ARID3A: variants seen among roughly 807,000 people sequenced by gnomAD.
The protein encoded by ARID3A is AT-rich interactive domain-containing protein 3A.
ARID3A carries 11 observed loss-of-function variants against 52.7 expected under a neutral mutation model. That is an observed-to-expected ratio of 0.21 (90% CI 0.13 to 0.35). The LOEUF is 0.35. ARID3A is among the 10% of genes least tolerant of loss of function. The probability of loss-of-function intolerance (pLI) is 1.00; values close to 1 mark genes in which losing one functional copy is unlikely to be tolerated. For missense variants in ARID3A, 721 were observed against 838.5 expected, an observed-to-expected ratio of 0.86 and a Z score of 1.73; for synonymous variants, 404 against 359.4, an observed-to-expected ratio of 1.12 and a Z score of -1.40.
intron 3 of ARID3A, among the ~76,000 whole-genome samples, chr19:936,360 C>T (rs893151395): frequency 2.0e-5 from 3 of 152,022 alleles, no homozygotes; most frequent in African/African-American, 7.3e-5. Context: ...CTACACCAGC[C>T]TGGGCGGTAT....
intron 3 of ARID3A, among the ~76,000 whole-genome samples, chr19:936,181 T>G (rs776534572): frequency 3.9e-5 from 6 of 152,234 alleles, no homozygotes; most frequent in Non-Finnish European, 8.8e-5. Flanking sequence ...CTAATAAGTG[T>G]TGAATGAATT....
intron 7 of ARID3A, among the ~76,000 whole-genome samples, chr19:968,190 C>T (rs559564004): frequency 6.6e-6 from 1 of 152,086 alleles, no homozygotes; most frequent in South Asian, 2.1e-4. Context: ...GAAACCCCAT[C>T]TCTACTAAAA....
chr19:933,932 C>T (rs540234954), intron 3 of ARID3A, among the ~76,000 whole-genome samples: 4 of 151,880 alleles, frequency 2.6e-5, no homozygotes, highest in South Asian at 2.1e-4. Context: ...ACGGGCCACA[C>T]TGCCGCGCGT....
chr19:926,370 C>T (rs2037198410), intron 1 of ARID3A, among the ~76,000 whole-genome samples: 1 of 151,730 alleles, frequency 6.6e-6, no homozygotes, highest in Non-Finnish European at 1.5e-5. Flanking sequence ...GTTTTCTCTG[C>T]ACCCCGCTTG....
rs187048 is a variant in ARID3A, at chr19:929,257, C to G, written c.-267-5C>G. 2 of 245,514 alleles carry G rather than the reference C, an allele frequency of 8.1e-6. No individual in the cohort carries two copies. The highest frequency in any genetic ancestry group is 1.5e-5 in the Non-Finnish European group (2 of 136,924). The allele number at this position is 245,514 out of a possible 1,614,324, so 15.2% of individuals were successfully genotyped here. On this transcript the variant is annotated splice_region_variant and splice_polypyrimidine_tract_variant and intron_variant, in intron 1 of 8. Coordinates refer to ENST00000263620, the MANE Select transcript of ARID3A (RefSeq NM_005224.3). This position sits in a 1 kb window ranked among gnomAD's most constrained non-coding sequence, Gnocchi z 6.2. ...TGCTCTGACTGTGCCTTTTTTCCCCCTCAGGTTTCTGCAAATGCGTGAATG... is the reference window on the plus strand; with the variant it reads ...TGCTCTGACTGTGCCTTTTTTCCCCGTCAGGTTTCTGCAAATGCGTGAATG...
chr19:937,216 A>G (rs1158356781), intron 3 of ARID3A, among the ~76,000 whole-genome samples: 1 of 152,166 alleles, frequency 6.6e-6, no homozygotes, highest in Non-Finnish European at 1.5e-5. Context: ...GTGAGCCGAG[A>G]TCGCGCCACT....
chr19:942,608 G>A lies in ARID3A; in HGVS notation c.693+9866G>A, dbSNP rs1248528152. The stretch of plus-strand genomic sequence containing the variant: ...GCCCCTTGGTCAGGGCTGGGCTGGG[G>A]GTCCGTGGGCACAGGTGGGTGGGCA... On this transcript the variant is annotated intron_variant, in intron 3 of 8. Transcript: ENST00000263620. This position sits in a 1 kb window ranked among gnomAD's most constrained non-coding sequence, Gnocchi z 8.1. 6.6e-6 allele frequency among the ~76,000 whole-genome samples: 1 copy of A among 152,218 alleles called. No homozygotes were observed. The highest frequency in any genetic ancestry group is 1.5e-5 in the Non-Finnish European group (1 of 68,028).
In ARID3A at chr19:942,416, G is replaced by A. The variant is rs556879622; in HGVS notation, c.693+9674G>A. Among the ~76,000 whole-genome samples the A allele has an allele frequency of 1.9e-4, 29 of 152,324 alleles. No individual in the cohort carries two copies. Among genetic ancestry groups the A allele is most frequent in the African/African-American group, 6.5e-4 (27 of 41,584 alleles). On this transcript the variant is annotated intron_variant, in intron 3 of 8. Coordinates refer to ENST00000263620, the MANE Select transcript of ARID3A (RefSeq NM_005224.3). This position sits in a 1 kb window ranked among gnomAD's most constrained non-coding sequence, Gnocchi z 8.1. ...TCCACTGGCCGCCGGGAGCCGGGCCGGGAGCCGCTGCGGTGCCGACCTGGT... is the reference window on the plus strand; with the variant it reads ...TCCACTGGCCGCCGGGAGCCGGGCCAGGAGCCGCTGCGGTGCCGACCTGGT...
rs1333117894 is a variant in ARID3A, at chr19:965,029, G to T, written c.1147G>T (p.Ala383Ser). 20 of 1,613,062 alleles carry T rather than the reference G, an allele frequency of 1.2e-5. No individual in the cohort carries two copies. The highest frequency in any genetic ancestry group is 1.7e-5 in the Non-Finnish European group (20 of 1,179,524). Residue 383 changes from alanine to serine, a missense_variant, in exon 6 of 9, where the codon GCC (alanine) becomes TCC (serine). Physicochemically the swap from Ala to Ser is moderately conservative, Grantham distance 99 (BLOSUM62 1). Around this residue, in one of 5 missense-constraint regions of ARID3A, gnomAD observed 297 missense variants for 343.2 expected, o/e 0.87. Transcript: ENST00000263620. The part of the protein sequence containing the change: ...PKLPVSSLGL[A>S]ASTNGSSITP... Reference sequence around the variant, plus strand: ...GCTACCCGTGTCCTCCCTGGGCCTGGCCGCAAGCACCAATGGCAGCTCCAT... The same window carrying T: ...GCTACCCGTGTCCTCCCTGGGCCTGTCCGCAAGCACCAATGGCAGCTCCAT...
rs1284744705 is a variant in ARID3A, at chr19:942,179, C to A, written c.693+9437C>A. Among the ~76,000 whole-genome samples, 1 of 152,174 alleles carries A rather than the reference C, an allele frequency of 6.6e-6. No individual in the cohort carries two copies. Among genetic ancestry groups the A allele is most frequent in the Non-Finnish European group, 1.5e-5 (1 of 68,002 alleles). On this transcript the variant is annotated intron_variant, in intron 3 of 8. Coordinates refer to ENST00000263620, the MANE Select transcript of ARID3A (RefSeq NM_005224.3). The surrounding 1 kb of genome is among the most constrained non-coding windows in gnomAD (Gnocchi z 8.1). The stretch of plus-strand genomic sequence containing the variant: ...GGGCCGCTGGGGGTGCACCCCCACC[C>A]TCTCCGACCCCGAGGAGCTGCCGGC...
chr19:968,363 A>C (rs766828973), intron 7 of ARID3A, 42 bp from the exon 8 acceptor site: 22 of 1,574,614 alleles, frequency 1.4e-5, no homozygotes, highest in Non-Finnish European at 1.9e-5. Flanking sequence ...TGTCTCAAAA[A>C]AAAAAAGAAA....
intron 2 of ARID3A, among the ~76,000 whole-genome samples, chr19:931,358 A>T (rs2037322074): frequency 1.3e-5 from 2 of 149,040 alleles, no homozygotes; most frequent in Admixed American, 1.3e-4. Flanking sequence ...GAGGCTGAGG[A>T]GGAGAATCGC....
intron 3 of ARID3A, among the ~76,000 whole-genome samples, chr19:952,077 G>A (rs2037812833): frequency 6.6e-6 from 1 of 151,984 alleles, no homozygotes; most frequent in South Asian, 2.1e-4. Flanking sequence ...GGAGGCGGAG[G>A]TTGCAGTGAG....
rs1016133807 is a variant in ARID3A at position 941,042 on chromosome 19, C to T, written c.693+8300C>T. Reference sequence around the variant, plus strand: ...CGCCACCGCCTGGCCGTCGGGTCACCGCCGCGGGGTCACCGCCGCCGCGGC... The same window carrying T: ...CGCCACCGCCTGGCCGTCGGGTCACTGCCGCGGGGTCACCGCCGCCGCGGC... On this transcript the variant is annotated intron_variant, in intron 3 of 8. Transcript: ENST00000263620. This position sits in a 1 kb window ranked among gnomAD's most constrained non-coding sequence, Gnocchi z 6.9. Among the ~76,000 whole-genome samples, 19 of 152,164 alleles carry T rather than the reference C, an allele frequency of 1.2e-4. No individual in the cohort carries two copies. The highest frequency in any genetic ancestry group is 3.4e-3 in the Middle Eastern group (1 of 292).
At chr19:971,439 C>A (rs1450522039) in intron 8 of ARID3A, among the ~76,000 whole-genome samples, 1 of 152,114 alleles carries the variant, frequency 6.6e-6, no homozygotes, top group Non-Finnish European at 1.5e-5. Context: ...TGGTGAAACT[C>A]CGTCTGTACT....
In ARID3A at chr19:939,255, A is replaced by G. The variant is rs191831468; in HGVS notation, c.693+6513A>G. Among the ~76,000 whole-genome samples the G allele has an allele frequency of 6.1e-3, 929 of 152,040 alleles. 9 individuals are homozygous for G. Among genetic ancestry groups the G allele is most frequent in the African/African-American group, 0.022 (892 of 41,460 alleles). Reference sequence around the variant, plus strand: ...TGCCTCAGCCTCCAGAGTAGCTGGGACTACAGGCGCCCACCACCACACCCA... The same window carrying G: ...TGCCTCAGCCTCCAGAGTAGCTGGGGCTACAGGCGCCCACCACCACACCCA... On this transcript the variant is annotated intron_variant, in intron 3 of 8. Coordinates refer to ENST00000263620, the MANE Select transcript of ARID3A (RefSeq NM_005224.3).
intron 3 of ARID3A, among the ~76,000 whole-genome samples, chr19:958,427 C>CAAAA (rs35996712): frequency 1.2e-5 from 1 of 85,940 alleles, no homozygotes; most frequent in African/African-American, 4.4e-5. Context: ...GACTCCATCT[C>CAAAA]AAAAAAAAAA....
chr19:966,859 A>C lies in ARID3A; in HGVS notation c.1486A>C (p.Asn496His), dbSNP rs1194726175. The change falls in exon 7 of 9, where the codon AAC becomes CAC. Residue 496 changes from asparagine to histidine, a missense_variant. Asn to His is a moderately conservative substitution (Grantham distance 68). Transcript: ENST00000263620. ...CCAGCTGCCCATGAGCATTCGGATC[A>C]ACAGCCAAGGTACTGCCCTCGTGCC... Reference protein sequence around the residue: ...AAQLPMSIRINSQASESRQDS... With the variant: ...AAQLPMSIRIHSQASESRQDS... The C allele has an allele frequency of 6.2e-7, 1 of 1,609,372 alleles. No individual in the cohort carries two copies. The highest frequency in any genetic ancestry group is 2.2e-5 in the East Asian group (1 of 44,784).
Position 947,900 on chromosome 19 carries a change from G to A in ARID3A, c.694-12192G>A, listed in dbSNP as rs747008526. On this transcript the variant is annotated intron_variant, in intron 3 of 8. Coordinates refer to ENST00000263620, the MANE Select transcript of ARID3A (RefSeq NM_005224.3). This position sits in a 1 kb window ranked among gnomAD's most constrained non-coding sequence, Gnocchi z 6.3. ...GGGGCTCTCAGCATCTGCATCCGCC[G>A]AGGCCTGGCTGTGCTGACGGGAATT... Among the ~76,000 whole-genome samples, 27 of 152,182 alleles carry A rather than the reference G, an allele frequency of 1.8e-4. No homozygotes were observed. Among genetic ancestry groups the A allele is most frequent in the Non-Finnish European group, 2.6e-4 (18 of 68,038 alleles).
Sources: allele counts gnomAD v4.1 joint callset (sites outside exome capture counted in the v4.1 genomes callset), GRCh38; gene constraint gnomAD v4.1.1; regional missense constraint gnomAD v4.1.1; non-coding constraint Gnocchi (gnomAD v3.1); transcripts MANE v1.5; gene names NCBI Gene and HGNC (gene_info 2026-07-23, HGNC 2026-07-21).